The following EPB41L3 variants were observed in gnomAD, a reference collection of about 807,000 sequenced individuals.
EPB41L3 encodes erythrocyte membrane protein band 4.1 like 3.
In EPB41L3, 57 loss-of-function variants were observed where a neutral mutation model predicts 127.1. That is an observed-to-expected ratio of 0.45 (90% CI 0.36 to 0.56). The LOEUF is 0.56. Ranked by LOEUF, EPB41L3 falls within the 20% of genes least tolerant of loss-of-function variation. The pLI is 0.00. For synonymous variants in EPB41L3, 572 were observed against 549.5 expected (o/e 1.04, Z -0.57); for missense variants, 1,273 against 1,372.2 (o/e 0.93, Z 1.14).
chr18:5,469,379 C>T (rs1041029361), intron 3 of EPB41L3, among the ~76,000 whole-genome samples: 14 of 152,206 alleles, frequency 9.2e-5, no homozygotes, highest in Non-Finnish European at 1.8e-4. Context: ...CCGATCCAGC[C>T]GCAGGCTTGC....
chr18:5,472,920 G>A (rs1160680369), intron 3 of EPB41L3, among the ~76,000 whole-genome samples: 3 of 152,138 alleles, frequency 2.0e-5, no homozygotes, highest in Non-Finnish European at 4.4e-5. Flanking sequence ...TATCCTCTCT[G>A]GTCCCTTACA....
At chr18:5,580,513 C>T (rs2094383821) in intron 3 of EPB41L3, among the ~76,000 whole-genome samples, 1 of 152,086 alleles carries the variant, frequency 6.6e-6, no homozygotes. Flanking sequence ...TGTATATATA[C>T]ATATTCACAT....
intron 3 of EPB41L3, among the ~76,000 whole-genome samples, chr18:5,571,335 A>C (rs1008234519): frequency 1.3e-5 from 2 of 152,224 alleles, no homozygotes; most frequent in African/African-American, 2.4e-5. Flanking sequence ...TCTTGTCTCT[A>C]TTTTGAAATG....
In EPB41L3 at chr18:5,461,627, C is replaced by T. The variant is rs535546995; in HGVS notation, c.382-16383G>A. 1.1e-4 allele frequency among the ~76,000 whole-genome samples: 16 copies of T among 152,216 alleles called. 1 individual carries two copies. The East Asian group carries it at 1.9e-3, about 18-fold the overall frequency. ...TGCCTATGGTAGACTTATCCTTGAC[C>T]TAGATTATAGGAAACAGTCACTAGG... On this transcript the variant is annotated intron_variant, in intron 3 of 22. Coordinates refer to ENST00000341928, the MANE Select transcript of EPB41L3 (RefSeq NM_012307.5).
In EPB41L3 at chr18:5,407,737, C is replaced by G; in HGVS notation, c.2122-1G>C. 6.2e-7 allele frequency: 1 copy of G among 1,613,988 alleles called. No individual in the cohort carries two copies. The highest frequency in any genetic ancestry group is 1.3e-5 in the African/African-American group (1 of 75,050). On this transcript the variant is annotated splice_acceptor_variant, in intron 14 of 22. Coordinates refer to ENST00000341928, the MANE Select transcript of EPB41L3 (RefSeq NM_012307.5). LOFTEE classifies it high-confidence loss of function. ...GCTCTGCATCTTCCTCCTGGTCCGACTGCCAGCATCAAGAAAGAGTGGGAA... is the reference window on the plus strand; with the variant it reads ...GCTCTGCATCTTCCTCCTGGTCCGAGTGCCAGCATCAAGAAAGAGTGGGAA...
chr18:5,413,674 AGAAT>A (rs948178727), intron 13 of EPB41L3, among the ~76,000 whole-genome samples: 1 of 152,210 alleles, frequency 6.6e-6, no homozygotes, highest in African/African-American at 2.4e-5. Flanking sequence ...AGCCTGAACT[AGAAT>A]GCACAGCTCT....
intron 1 of EPB41L3, among the ~76,000 whole-genome samples, chr18:5,533,531 A>T (rs535030761): frequency 2.0e-5 from 3 of 152,338 alleles, no homozygotes; most frequent in African/African-American, 7.2e-5. Context: ...TTTCACATAT[A>T]TAAGTGAAGA....
intron 3 of EPB41L3, among the ~76,000 whole-genome samples, chr18:5,457,550 C>A (rs543713220): frequency 8.5e-5 from 13 of 152,100 alleles, no homozygotes; most frequent in East Asian, 3.9e-4. Flanking sequence ...AAGAAAAAAA[C>A]ACACACACAC....
chr18:5,469,431 C>T (rs959153902), intron 3 of EPB41L3, among the ~76,000 whole-genome samples: 6 of 152,308 alleles, frequency 3.9e-5, no homozygotes, highest in East Asian at 1.9e-4. Context: ...CTGTCTGCCC[C>T]GCCATAGCAG....
intron 1 of EPB41L3, among the ~76,000 whole-genome samples, chr18:5,542,803 T>G (rs2093769937): frequency 6.6e-6 from 1 of 152,174 alleles, no homozygotes. Context: ...CAGTTACAAT[T>G]TACTAGGTAA....
intron 3 of EPB41L3, chr18:5,466,187 G>C (rs1308489053): frequency 6.6e-6 from 1 of 152,036 alleles, no homozygotes; most frequent in Non-Finnish European, 1.5e-5. Context: ...CATAAAAATA[G>C]TAAAACCACA....
intron 8 of EPB41L3, among the ~76,000 whole-genome samples, chr18:5,432,614 T>A (rs913491337): frequency 6.6e-6 from 1 of 152,164 alleles, no homozygotes; most frequent in African/African-American, 2.4e-5. Flanking sequence ...CTGGGCTGTT[T>A]AAAAAGACTA....
chr18:5,471,357 A>C (rs1461653829), intron 3 of EPB41L3, among the ~76,000 whole-genome samples: 2 of 152,212 alleles, frequency 1.3e-5, no homozygotes, highest in Non-Finnish European at 2.9e-5. Context: ...ACGCAGAGTA[A>C]GGAAATTTAA....
rs532639825 is a variant in EPB41L3, at chr18:5,539,922, A to G, written c.-12+3991T>C. The stretch of plus-strand genomic sequence containing the variant: ...TCACTGCAGATATCTTCTACTTATG[A>G]AACACCTTTTTCCATTTTTTCCTAT... On this transcript the variant is annotated intron_variant, in intron 1 of 22. Transcript: ENST00000341928. Among the ~76,000 whole-genome samples, 3 of 152,336 alleles carry G rather than the reference A, an allele frequency of 2.0e-5. No individual in the cohort carries two copies. The South Asian group carries it at 6.2e-4, about 32-fold the overall frequency.
In EPB41L3 at chr18:5,397,315, G is replaced by A. The variant is rs368913981; in HGVS notation, c.2584C>T (p.Arg862Cys). The A allele has an allele frequency of 4.9e-5, 79 of 1,613,852 alleles. No individual in the cohort carries two copies. The highest frequency in any genetic ancestry group is 8.8e-5 in the South Asian group (8 of 91,076). ...GCATCCCCACTCGCGTGCACCACAC[G>A]CCGCTCCTCCACCAACACGGTCTCC... Reference protein sequence around the residue: ...VQETVLVEERRVVHASGDASY... With the variant: ...VQETVLVEERCVVHASGDASY... The change falls in exon 18 of 23, where the codon CGT becomes TGT. Residue 862 changes from arginine to cysteine, a missense_variant. Physicochemically the swap from Arg to Cys is radical, Grantham distance 180. This residue lies in a region of EPB41L3 where 765 missense variants were observed against 782.9 expected (regional missense o/e 0.98). Coordinates refer to ENST00000341928, the MANE Select transcript of EPB41L3 (RefSeq NM_012307.5). This position sits in a 1 kb window ranked among gnomAD's most constrained non-coding sequence, Gnocchi z 4.1.
At chr18:5,451,360 A>C (rs2082257977) in intron 3 of EPB41L3, among the ~76,000 whole-genome samples, 1 of 152,188 alleles carries the variant, frequency 6.6e-6, no homozygotes, top group Non-Finnish European at 1.5e-5. Flanking sequence ...TGATGCTCTC[A>C]ATGTCCCACA....
intron 11 of EPB41L3, 44 bp downstream of exon 11, chr18:5,423,334 T>C (rs1339787232): frequency 6.7e-7 from 1 of 1,488,132 alleles, no homozygotes; most frequent in East Asian, 2.3e-5. Context: ...ACATTCTTTT[T>C]GGGGTAGGTA....
intron 9 of EPB41L3, among the ~76,000 whole-genome samples, chr18:5,428,062 G>C (rs1261386499): frequency 6.6e-6 from 1 of 152,214 alleles, no homozygotes; most frequent in East Asian, 1.9e-4. Flanking sequence ...GCCGAGACTG[G>C]ATTTTATATT....
intron 1 of EPB41L3, among the ~76,000 whole-genome samples, chr18:5,542,013 A>G (rs547199166): frequency 3.9e-5 from 6 of 152,396 alleles, no homozygotes; most frequent in East Asian, 1.9e-4. Context: ...GACAGTATTC[A>G]GCATTCAGCT....
Sources: gnomAD v4.1 joint callset for allele counts (sites outside exome capture counted in the v4.1 genomes callset) on GRCh38, gnomAD v4.1.1 for gene constraint, gnomAD v4.1.1 regional missense constraint, Gnocchi (gnomAD v3.1) non-coding constraint, MANE v1.5 for transcripts, NCBI Gene and HGNC (gene_info 2026-07-23, HGNC 2026-07-21) for gene names.